Variants in TFCP2L1 observed in about 807,000 individuals in gnomAD.
TFCP2L1 encodes the protein transcription factor CP2-like protein 1.
TFCP2L1 carries 12 observed loss-of-function variants against 72.2 expected under a neutral mutation model. That is an observed-to-expected ratio of 0.17 (90% CI 0.11 to 0.27). The LOEUF is 0.27. TFCP2L1 is among the 10% of genes least tolerant of loss of function. TFCP2L1 has a pLI of 1.00. For synonymous variants in TFCP2L1, 260 were observed against 251.0 expected, an observed-to-expected ratio of 1.04 and a Z score of -0.34; for missense variants, 488 against 624.6, an observed-to-expected ratio of 0.78 and a Z score of 2.33.
At chr2:121,274,499 A>G (rs1451464855) in intron 2 of TFCP2L1, among the ~76,000 whole-genome samples, 1 of 152,236 alleles carries the variant, frequency 6.6e-6, no homozygotes, top group Non-Finnish European at 1.5e-5. Context: ...CCTAAGGTGT[A>G]TATGAAACAT....
rs1685952996 is a variant in TFCP2L1 at position 121,222,863 on chromosome 2, C to A, written c.*1478G>T. ...GAAGGAAGAGGAATCAGGAGCCTGT[C>A]CTCACTCTGTTCTGTAGGAATGCCA... On this transcript the variant is annotated 3_prime_UTR_variant, in exon 15 of 15. Transcript: ENST00000263707. 1 of 152,194 alleles carries A rather than the reference C, an allele frequency of 6.6e-6. No homozygotes were observed. Among genetic ancestry groups the A allele is most frequent in the Non-Finnish European group, 1.5e-5 (1 of 68,036 alleles). 9.4% of individuals were successfully genotyped at this position (152,194 alleles called of 1,614,324 possible). A position where few individuals can be genotyped will look rare whatever the true frequency, so the allele number is the denominator to read the frequency against.
chr2:121,249,699 G>C (rs1334819700), intron 2 of TFCP2L1, 52 bp from the exon 3 acceptor site: 2 of 1,594,204 alleles, frequency 1.3e-6, no homozygotes, highest in Middle Eastern at 3.3e-4. Flanking sequence ...TCTAAATTTG[G>C]GGTTCATTCA....
intron 2 of TFCP2L1, among the ~76,000 whole-genome samples, chr2:121,280,622 A>G (rs1177316778): frequency 6.6e-6 from 1 of 151,958 alleles, no homozygotes; most frequent in Non-Finnish European, 1.5e-5. Context: ...TTAGCCGGGC[A>G]TGGCGGTCTA....
intron 2 of TFCP2L1, among the ~76,000 whole-genome samples, chr2:121,260,634 C>A (rs929809479): frequency 5.3e-5 from 8 of 152,176 alleles, no homozygotes; most frequent in Non-Finnish European, 8.8e-5. Flanking sequence ...GGGATACACC[C>A]CCAGGCAGGG....
At chr2:121,233,288 C>T (rs905025441) in intron 12 of TFCP2L1, among the ~76,000 whole-genome samples, 2 of 152,100 alleles carry the variant, frequency 1.3e-5, no homozygotes, top group Non-Finnish European at 2.9e-5. Context: ...CACCTCCCTC[C>T]GCCTCCCGGG....
Position 121,237,642 on chromosome 2 carries a change from C to G in TFCP2L1, c.984G>C (p.Arg328=). 6.2e-7 allele frequency: 1 copy of G among 1,614,168 alleles called. No individual in the cohort carries two copies. The highest frequency in any genetic ancestry group is 8.5e-7 in the Non-Finnish European group (1 of 1,180,042). ...GCTCACCTGAGAAGCTGGCAAAGAG[C>G]CGGCAGAACTGCGAGAACCTGTTGC... The part of the protein sequence containing the change: ...LHRNRFSQFC[R]LFASFSGADL... Residue 328 remains arginine, a synonymous_variant, in exon 10 of 15, where the codon CGG becomes CGC. Transcript: ENST00000263707.
At chr2:121,268,984 C>G (rs1254303796) in intron 2 of TFCP2L1, among the ~76,000 whole-genome samples, 1 of 150,420 alleles carries the variant, frequency 6.6e-6, no homozygotes, top group Non-Finnish European at 1.5e-5. Flanking sequence ...CCTTATGCAC[C>G]ATAATAAATG....
At chr2:121,279,002 T>A (rs369589748) in intron 2 of TFCP2L1, among the ~76,000 whole-genome samples, 1 of 150,648 alleles carries the variant, frequency 6.6e-6, no homozygotes, top group African/African-American at 2.4e-5. Flanking sequence ...AGACTCTGTC[T>A]CAAAAAAAAA....
intron 7 of TFCP2L1, 109 bp downstream of exon 7, chr2:121,242,250 T>C: frequency 1.1e-6 from 1 of 907,728 alleles, no homozygotes. Context: ...GAATAAGCAC[T>C]CTCAGAAGTA....
intron 2 of TFCP2L1, among the ~76,000 whole-genome samples, chr2:121,257,486 C>T (rs72963316): frequency 0.025 from 3,864 of 152,274 alleles, 182 homozygotes; most frequent in African/African-American, 0.088. Flanking sequence ...GCCCCCTTGC[C>T]CCTCCTGCCC....
rs762219888 is a variant in TFCP2L1, at chr2:121,224,392, AAG to A, written c.1394-7_1394-6del. On this transcript the variant is annotated splice_region_variant and splice_polypyrimidine_tract_variant and intron_variant, in intron 14 of 14. Transcript: ENST00000263707. ...GGTAGCCATCATTGCTCTCAGCTGC[AAG>A]AGAGAAACACTGGGTGTATTTCACA... The A allele has an allele frequency of 2.5e-6, 4 of 1,613,760 alleles. No homozygotes were observed. The highest frequency in any genetic ancestry group is 2.5e-6 in the Non-Finnish European group (3 of 1,179,914).
In TFCP2L1 at chr2:121,285,098, C is replaced by G; in HGVS notation, c.12G>C (p.Trp4Cys). The change falls in exon 1 of 15, where the codon TGG becomes TGC. Residue 4 changes from tryptophan (W) to cysteine (C), a missense_variant. Trp to Cys is a radical substitution (Grantham distance 215). Coordinates refer to ENST00000263707, the MANE Select transcript of TFCP2L1 (RefSeq NM_014553.3). ...GGTTGTAGTGCTCGGGCTGCGTGTG[C>G]CAGAAGAGCATGGCTGGAACTCCCA... Reference protein sequence around the residue: MLFWHTQPEHYNQH... With the variant: MLFCHTQPEHYNQH... 1 of 1,517,230 alleles carries G rather than the reference C, an allele frequency of 6.6e-7. No homozygotes were observed. The highest frequency in any genetic ancestry group is 2.8e-5 in the East Asian group (1 of 35,730). The allele number at this position is 1,517,230 out of a possible 1,614,324, so 94.0% of individuals were successfully genotyped here.
chr2:121,269,100 T>C (rs1313301063), intron 2 of TFCP2L1, among the ~76,000 whole-genome samples: 1 of 151,282 alleles, frequency 6.6e-6, no homozygotes, highest in East Asian at 1.9e-4. Context: ...GGACATGAAA[T>C]ACAAAAATAA....
At chr2:121,273,055 G>T (rs1320226491) in intron 2 of TFCP2L1, among the ~76,000 whole-genome samples, 2 of 152,066 alleles carry the variant, frequency 1.3e-5, no homozygotes, top group African/African-American at 4.8e-5. Context: ...TTTGCATGTG[G>T]CTTTTCTTTC....
At chr2:121,239,384 G>C (rs1686315593) in intron 8 of TFCP2L1, among the ~76,000 whole-genome samples, 174 bp downstream of exon 8, 2 of 152,202 alleles carry the variant, frequency 1.3e-5, no homozygotes, top group Non-Finnish European at 2.9e-5. Flanking sequence ...GTTTACAGGG[G>C]TGTTTCTGAG....
At chr2:121,235,120 A>C (rs942432939) in intron 11 of TFCP2L1, 101 bp downstream of exon 11, 8 of 1,306,686 alleles carry the variant, frequency 6.1e-6, no homozygotes, top group Non-Finnish European at 8.8e-6. Context: ...CTGTCCCCCC[A>C]GCCAGACCAC....
rs1455775869 is a variant in TFCP2L1 at position 121,223,546 on chromosome 2, T to C, written c.*795A>G. On this transcript the variant is annotated 3_prime_UTR_variant, in exon 15 of 15. Coordinates refer to ENST00000263707, the MANE Select transcript of TFCP2L1 (RefSeq NM_014553.3). ...CATTCCTAATCCTCCTTACCCGTGA[T>C]TGCCAGGAAATAAAATAGTCTTTTT... 1 of 152,236 alleles carries C rather than the reference T, an allele frequency of 6.6e-6. No homozygotes were observed. The highest frequency in any genetic ancestry group is 2.4e-5 in the African/African-American group (1 of 41,412). 9.4% of individuals were successfully genotyped at this position (152,236 alleles called of 1,614,324 possible). A position where few individuals can be genotyped will look rare whatever the true frequency, so the allele number is the denominator to read the frequency against.
chr2:121,268,326 T>A (rs185681294), intron 2 of TFCP2L1, among the ~76,000 whole-genome samples: 7 of 152,288 alleles, frequency 4.6e-5, no homozygotes, highest in Non-Finnish European at 1.0e-4. Flanking sequence ...ACATTTTTTT[T>A]AAGTTTTGGC....
Position 121,223,378 on chromosome 2 carries a change from G to C in TFCP2L1, c.*963C>G, listed in dbSNP as rs1685962810. On this transcript the variant is annotated 3_prime_UTR_variant, in exon 15 of 15. Coordinates refer to ENST00000263707, the MANE Select transcript of TFCP2L1 (RefSeq NM_014553.3). Reference sequence around the variant, plus strand: ...AACAAAGATAAACATGTAAGTGAGGGGCACTCAGAGAAAACACATCGCTCC... The same window carrying C: ...AACAAAGATAAACATGTAAGTGAGGCGCACTCAGAGAAAACACATCGCTCC... 1 of 152,124 alleles carries C rather than the reference G, an allele frequency of 6.6e-6. No homozygotes were observed. Among genetic ancestry groups the C allele is most frequent in the South Asian group, 2.1e-4 (1 of 4,830 alleles). The allele number at this position is 152,124 out of a possible 1,614,324, so 9.4% of individuals were successfully genotyped here. A position where few individuals can be genotyped will look rare whatever the true frequency, so the allele number is the denominator to read the frequency against.
Sources: gnomAD v4.1 joint callset for allele counts (sites outside exome capture counted in the v4.1 genomes callset) on GRCh38, gnomAD v4.1.1 for gene constraint, MANE v1.5 for transcripts, NCBI Gene and HGNC (gene_info 2026-07-23, HGNC 2026-07-21) for gene names.